STAG2: variants seen among roughly 807,000 people sequenced by gnomAD.
STAG2 encodes STAG2 cohesin complex component, also known as cohesin subunit SA-2.
A neutral mutation model predicts 108.1 loss-of-function variants in STAG2; 14 were observed. The observed-to-expected ratio is 0.13, with a 90% confidence interval of 0.09 to 0.20. The LOEUF is 0.20. Among genes scored for constraint, STAG2 ranks in the 10% least tolerant of loss-of-function variants. The pLI, the probability that STAG2 is intolerant of heterozygous loss-of-function variation, is 1.00. For missense variants in STAG2, 440 were observed against 940.9 expected (o/e 0.47, Z 6.96); for synonymous variants, 307 against 302.7 (o/e 1.01, Z -0.15).
intron 1 of STAG2, among the ~76,000 whole-genome samples, chrX:123,993,868 C>T (rs1178436126): frequency 9.0e-6 from 1 of 111,459 alleles, no homozygotes; most frequent in Non-Finnish European, 1.9e-5. Flanking sequence ...AAGAGAACTG[C>T]TCTCATATAG....
intron 1 of STAG2, among the ~76,000 whole-genome samples, chrX:123,995,449 C>T (rs1215393162): frequency 8.9e-6 from 1 of 111,753 alleles, no homozygotes; most frequent in African/African-American, 3.3e-5. Flanking sequence ...AATCTCAGCA[C>T]TTTGGGAGGC....
chrX:124,080,686 T>TC (rs1224372012), intron 27 of STAG2, among the ~76,000 whole-genome samples: 1 of 108,416 alleles, frequency 9.2e-6, no homozygotes, highest in Non-Finnish European at 1.9e-5. Context: ...AGACTCTGTC[T>TC]CCAAAAAAAA....
intron 8 of STAG2, among the ~76,000 whole-genome samples, chrX:124,046,156 C>T (rs566787872): frequency 9.0e-6 from 1 of 111,405 alleles, no homozygotes; most frequent in Non-Finnish European, 1.9e-5. Flanking sequence ...TCTGAATCTT[C>T]TGAATCTTAA....
At chrX:124,029,007 ATATATATT>A (rs1411005748) in intron 4 of STAG2, among the ~76,000 whole-genome samples, 3 of 96,638 alleles carry the variant, frequency 3.1e-5, no homozygotes, top group African/African-American at 1.2e-4. Context: ...ATATATATAT[ATATATATT>A]TATTTATTTA....
chrX:123,984,128 C>T (rs1363894808), intron 1 of STAG2, among the ~76,000 whole-genome samples: 2 of 107,203 alleles, frequency 1.9e-5, no homozygotes, highest in Non-Finnish European at 1.9e-5. Flanking sequence ...TACAGGCATG[C>T]GCCACCATGC....
intron 1 of STAG2, among the ~76,000 whole-genome samples, chrX:124,007,716 T>C (rs933132534): frequency 9.8e-5 from 11 of 112,696 alleles, no homozygotes; most frequent in Non-Finnish European, 1.9e-4. Flanking sequence ...TTCATATACA[T>C]GTTCTTACTT....
In STAG2 at chrX:124,094,126, C is replaced by T. The variant is rs1603196234; in HGVS notation, c.3687C>T (p.Asp1229=). The stretch of plus-strand genomic sequence containing the variant: ...ATCTTAATGAGGGAATGGATTTTGA[C>T]ACCATGGATATAGATTTGGTAAGAA... ...IEDLNEGMDF[D]TMDIDLPPSK... The change falls in exon 33 of 35, where the codon GAC becomes GAT. Residue 1229 remains aspartate, a synonymous_variant. Coordinates refer to ENST00000371145, the MANE Select transcript of STAG2 (RefSeq NM_001042750.2). The T allele has an allele frequency of 8.3e-7, 1 of 1,205,021 alleles. No homozygotes were observed. Among genetic ancestry groups the T allele is most frequent in the Non-Finnish European group, 1.1e-6 (1 of 890,829 alleles).
intron 1 of STAG2, among the ~76,000 whole-genome samples, chrX:123,970,538 C>CT (rs1354662357): frequency 9.0e-6 from 1 of 111,702 alleles, no homozygotes; most frequent in Non-Finnish European, 1.9e-5. Context: ...GTTAGTAACT[C>CT]TAATATGGCC....
intron 8 of STAG2, among the ~76,000 whole-genome samples, chrX:124,046,266 T>C (rs961964501): frequency 8.9e-6 from 1 of 112,487 alleles, no homozygotes; most frequent in Non-Finnish European, 1.9e-5. Context: ...ATTAAAGATA[T>C]GCTTCTACGT....
At chrX:124,061,020 T>A (rs1366205928) in intron 15 of STAG2, among the ~76,000 whole-genome samples, 1 of 110,208 alleles carries the variant, frequency 9.1e-6, no homozygotes, top group Admixed American at 9.8e-5. Context: ...ATGATAATTG[T>A]TAATGTGTAA....
At chrX:123,983,336 T>G (rs1029579755) in intron 1 of STAG2, among the ~76,000 whole-genome samples, 3 of 111,472 alleles carry the variant, frequency 2.7e-5, no homozygotes, top group East Asian at 5.6e-4. Flanking sequence ...TCATTTCAAT[T>G]TACTACTTAG....
intron 1 of STAG2, among the ~76,000 whole-genome samples, chrX:123,990,967 C>G (rs1015344275): frequency 8.9e-6 from 1 of 111,884 alleles, no homozygotes; most frequent in Non-Finnish European, 1.9e-5. Flanking sequence ...GAAAACCATA[C>G]CTGAGGTTTC....
In STAG2 at chrX:124,028,987, A is replaced by T. The variant is rs941091103; in HGVS notation, c.124-1974A>T. Among the ~76,000 whole-genome samples the T allele has an allele frequency of 8.5e-3, 517 of 61,121 alleles. 2 individuals are homozygous for T. Among genetic ancestry groups the T allele is most frequent in the Non-Finnish European group, 0.013 (433 of 34,364 alleles). 53.1% of individuals were successfully genotyped at this position (61,121 alleles called of 115,157 possible). A position where few individuals can be genotyped will look rare whatever the true frequency, so the allele number is the denominator to read the frequency against. On this transcript the variant is annotated intron_variant, in intron 4 of 34. Transcript: ENST00000371145. Reference sequence around the variant, plus strand: ...TTTATTTATTTATTTATTTTTATTTATATATATATATATATATATATATAT... The same window carrying T: ...TTTATTTATTTATTTATTTTTATTTTTATATATATATATATATATATATAT...
intron 15 of STAG2, among the ~76,000 whole-genome samples, 177 bp downstream of exon 15, chrX:124,058,154 CTTTTT>C (rs999044036): frequency 1.4e-5 from 1 of 72,965 alleles, no homozygotes; most frequent in African/African-American, 5.1e-5. Flanking sequence ...TACTTTTCTT[CTTTTT>C]TTTTTTTTTT....
chrX:124,061,047 G>A (rs1424016935), intron 15 of STAG2, among the ~76,000 whole-genome samples, 177 bp from the exon 16 acceptor site: 2 of 110,204 alleles, frequency 1.8e-5, no homozygotes, highest in Admixed American at 9.7e-5. Context: ...TACCTAACAC[G>A]TCTTTCTTAC....
At position 124,063,209 on chromosome X, in the gene STAG2, A is replaced by G; in HGVS notation, c.1821+4A>G. 1.7e-6 allele frequency: 2 copies of G among 1,163,426 alleles called. No homozygotes were observed. The highest frequency in any genetic ancestry group is 1.2e-6 in the Non-Finnish European group (1 of 862,229). ...TACCACTGGACGATTAGAAAAGGTA[A>G]GATTATTTTGTGTAAAAAAAACCTT... On this transcript the variant is annotated splice_donor_region_variant and intron_variant, in intron 19 of 34. Coordinates refer to ENST00000371145, the MANE Select transcript of STAG2 (RefSeq NM_001042750.2).
intron 32 of STAG2, 185 bp from the exon 33 acceptor site, chrX:124,093,833 T>A (rs2059315652): frequency 6.8e-6 from 3 of 444,276 alleles, no homozygotes; most frequent in Admixed American, 9.4e-5. Context: ...CTCCTTAGCA[T>A]TTTTAGACAA....
At chrX:124,037,273 A>G (rs1052831048) in intron 5 of STAG2, among the ~76,000 whole-genome samples, 8 of 112,107 alleles carry the variant, frequency 7.1e-5, no homozygotes, top group South Asian at 3.7e-4. Context: ...ATTGACTTCC[A>G]TAGTTTCCAC....
At chrX:124,055,887 A>T (rs1253729508) in intron 13 of STAG2, among the ~76,000 whole-genome samples, 2 of 111,892 alleles carry the variant, frequency 1.8e-5, no homozygotes, top group African/African-American at 6.5e-5. Context: ...TCCATGTGAC[A>T]TAATTCTTTT....
Sources: allele counts gnomAD v4.1 joint callset (sites outside exome capture counted in the v4.1 genomes callset), GRCh38; gene constraint gnomAD v4.1.1; transcripts MANE v1.5; gene names NCBI Gene and HGNC (gene_info 2026-07-23, HGNC 2026-07-21).